The following CNTN5 variants were observed in gnomAD, a reference collection of about 807,000 sequenced individuals.
CNTN5 encodes the protein contactin 5.
In CNTN5, 77 loss-of-function variants were observed where a neutral mutation model predicts 129.1. That is an observed-to-expected ratio of 0.60 (90% CI 0.50 to 0.72). The LOEUF (loss-of-function observed/expected upper bound fraction) is 0.72. Among genes scored for constraint, CNTN5 ranks in the 30% least tolerant of loss-of-function variants. The probability of loss-of-function intolerance (pLI) is 0.00; values close to 1 mark genes in which losing one functional copy is unlikely to be tolerated. For synonymous variants in CNTN5, 509 were observed against 465.6 expected, an observed-to-expected ratio of 1.09 and a Z score of -1.20; for missense variants, 1,478 against 1,328.8, an observed-to-expected ratio of 1.11 and a Z score of -1.75.
chr11:99,788,928 GA>G (rs1490906204), intron 3 of CNTN5, among the ~76,000 whole-genome samples: 1 of 151,580 alleles, frequency 6.6e-6, no homozygotes, highest in East Asian at 1.9e-4. Context: ...CTGACTTTCT[GA>G]AAAAACGTTT....
At chr11:100,092,481 A>G (rs1246199094) in intron 13 of CNTN5, among the ~76,000 whole-genome samples, 2 of 152,132 alleles carry the variant, frequency 1.3e-5, no homozygotes, top group Admixed American at 1.3e-4. Flanking sequence ...ACTTTTAAGC[A>G]CCATCCATAT....
At chr11:99,696,757 G>A (rs1445656184) in intron 3 of CNTN5, among the ~76,000 whole-genome samples, 3 of 151,868 alleles carry the variant, frequency 2.0e-5, no homozygotes, top group African/African-American at 4.8e-5. Context: ...TTCAGATGAT[G>A]TTATTGGTAT....
In CNTN5 at chr11:99,919,201, C is replaced by T. The variant is rs181297504; in HGVS notation, c.673+3052C>T. 4.1e-4 allele frequency among the ~76,000 whole-genome samples: 62 copies of T among 152,230 alleles called. 1 individual carries two copies. The highest frequency in any genetic ancestry group is 3.4e-3 in the Middle Eastern group (1 of 294). ...TTGCGACTCCAAGCTTTACTTCCAA[C>T]GGTATAGTATAGCATATGCATTTGT... On this transcript the variant is annotated intron_variant, in intron 7 of 24. Coordinates refer to ENST00000524871, the MANE Select transcript of CNTN5 (RefSeq NM_014361.4).
At chr11:99,168,747 A>G (rs1259182255) in intron 1 of CNTN5, among the ~76,000 whole-genome samples, 1 of 152,222 alleles carries the variant, frequency 6.6e-6, no homozygotes, top group African/African-American at 2.4e-5. Context: ...ACATTAAGGC[A>G]AAATTGAATA....
chr11:100,112,077 T>G (rs1209254400), intron 13 of CNTN5, among the ~76,000 whole-genome samples: 1 of 152,190 alleles, frequency 6.6e-6, no homozygotes, highest in Non-Finnish European at 1.5e-5. Context: ...CCGTGTTGAC[T>G]TGGAAACTAG....
intron 7 of CNTN5, among the ~76,000 whole-genome samples, chr11:99,918,740 T>C (rs1949858324): frequency 6.6e-6 from 1 of 152,118 alleles, no homozygotes; most frequent in African/African-American, 2.4e-5. Flanking sequence ...TTTTCAAAGG[T>C]TTGGCTTATT....
intron 3 of CNTN5, among the ~76,000 whole-genome samples, chr11:99,682,246 C>A (rs775328794): frequency 7.9e-5 from 12 of 151,558 alleles, no homozygotes; most frequent in Non-Finnish European, 1.5e-4. Context: ...AGTGGGTGAA[C>A]AATATGTAAG....
chr11:99,305,394 T>C (rs1298319192), intron 1 of CNTN5, among the ~76,000 whole-genome samples: 2 of 152,128 alleles, frequency 1.3e-5, no homozygotes, highest in Non-Finnish European at 2.9e-5. Context: ...TTTAATTAAA[T>C]AAAGCAAAAA....
At chr11:99,707,337 T>C (rs1954799057) in intron 3 of CNTN5, among the ~76,000 whole-genome samples, 1 of 151,612 alleles carries the variant, frequency 6.6e-6, no homozygotes, top group African/African-American at 2.4e-5. Context: ...TTTAACATAT[T>C]GTCCTAAACT....
intron 1 of CNTN5, among the ~76,000 whole-genome samples, chr11:99,097,640 G>C (rs1444911115): frequency 6.6e-6 from 1 of 151,750 alleles, no homozygotes; most frequent in Admixed American, 6.6e-5. Flanking sequence ...ATATTAGAAT[G>C]CTTCACCAAA....
intron 17 of CNTN5, among the ~76,000 whole-genome samples, chr11:100,262,454 G>C (rs1356626166): frequency 1.3e-5 from 2 of 152,110 alleles, no homozygotes; most frequent in South Asian, 4.1e-4. Flanking sequence ...ATATCCAGAG[G>C]ATTATAAATC....
chr11:99,968,689 AT>A (rs1404988732), intron 8 of CNTN5, among the ~76,000 whole-genome samples: 1 of 64,880 alleles, frequency 1.5e-5, no homozygotes, highest in Admixed American at 1.9e-4. Flanking sequence ...TTTTTTTTGT[AT>A]TTCCCTTCTA....
chr11:99,276,774 ATAT>A (rs1863456634), intron 1 of CNTN5, among the ~76,000 whole-genome samples: 1 of 151,474 alleles, frequency 6.6e-6, no homozygotes, highest in African/African-American at 2.4e-5. Flanking sequence ...CTTTTCACAA[ATAT>A]TATTTAAGGG....
intron 8 of CNTN5, among the ~76,000 whole-genome samples, chr11:99,964,369 A>G (rs9736596): frequency 0.81 from 123,731 of 152,148 alleles, 50,514 homozygotes; most frequent in South Asian, 0.9. Context: ...TAGCATGAAG[A>G]TTGTTGAATT....
At chr11:100,334,661 TAAGTG>T (rs2138997303) in intron 21 of CNTN5, among the ~76,000 whole-genome samples, 1 of 152,300 alleles carries the variant, frequency 6.6e-6, no homozygotes, top group East Asian at 1.9e-4. Context: ...ACTATTATTC[TAAGTG>T]AAGTAACTCA....
At chr11:99,591,317 T>C (rs1949971539) in intron 3 of CNTN5, among the ~76,000 whole-genome samples, 1 of 150,008 alleles carries the variant, frequency 6.7e-6, no homozygotes, top group South Asian at 2.1e-4. Context: ...GAGTACTCTT[T>C]TTACATGACT....
At chr11:100,001,518 T>C (rs1348287936) in intron 8 of CNTN5, among the ~76,000 whole-genome samples, 1 of 152,220 alleles carries the variant, frequency 6.6e-6, no homozygotes, top group Non-Finnish European at 1.5e-5. Context: ...TAGATAGCTT[T>C]TCTCCCATAC....
Position 99,997,926 on chromosome 11 carries a change from A to G in CNTN5, c.878-4108A>G, listed in dbSNP as rs573487303. Reference sequence around the variant, plus strand: ...AAACCACATGATTATCTCAATAGATACAGAAAAGGCCTTTGACAAAATTCA... The same window carrying G: ...AAACCACATGATTATCTCAATAGATGCAGAAAAGGCCTTTGACAAAATTCA... On this transcript the variant is annotated intron_variant, in intron 8 of 24. Coordinates refer to ENST00000524871, the MANE Select transcript of CNTN5 (RefSeq NM_014361.4). Among the ~76,000 whole-genome samples, 197 of 152,258 alleles carry G rather than the reference A, an allele frequency of 1.3e-3. No homozygotes were observed. The Middle Eastern group carries it at 0.017, about 13-fold the overall frequency.
chr11:99,136,247 C>A (rs1440028260), intron 1 of CNTN5, among the ~76,000 whole-genome samples: 2 of 152,250 alleles, frequency 1.3e-5, no homozygotes, highest in African/African-American at 4.8e-5. Flanking sequence ...AAACCCTCCT[C>A]ACCCTCACCT....
Sources: gnomAD v4.1 joint callset for allele counts (sites outside exome capture counted in the v4.1 genomes callset) on GRCh38, gnomAD v4.1.1 for gene constraint, MANE v1.5 for transcripts, NCBI Gene and HGNC (gene_info 2026-07-23, HGNC 2026-07-21) for gene names.